The following DGKI variants were observed in gnomAD, a reference collection of about 807,000 sequenced individuals.
DGKI encodes diacylglycerol kinase iota, also known as DAG kinase iota.
In DGKI, 55 loss-of-function variants were observed where a neutral mutation model predicts 147.5. The ratio of observed to expected loss-of-function variants is 0.37; its 90% CI spans 0.30 to 0.47. DGKI has a LOEUF of 0.47. DGKI is among the 20% of genes least tolerant of loss of function. DGKI has a pLI of 1.00. For synonymous variants in DGKI, 469 were observed against 477.1 expected (o/e 0.98, Z 0.22); for missense variants, 1,007 against 1,323.8 (o/e 0.76, Z 3.71).
chr7:137,599,581 G>A (rs1156827595), intron 11 of DGKI, among the ~76,000 whole-genome samples: 3 of 152,226 alleles, frequency 2.0e-5, no homozygotes, highest in South Asian at 2.1e-4. Flanking sequence ...TTACACATAC[G>A]TAAGTAACAA....
chr7:137,728,708 T>TC (rs971364239), intron 1 of DGKI, among the ~76,000 whole-genome samples: 1 of 152,078 alleles, frequency 6.6e-6, no homozygotes, highest in African/African-American at 2.4e-5. Context: ...CACCAGCTTT[T>TC]CCCCCCATGG....
At chr7:137,487,385 G>A (rs1815602444) in intron 22 of DGKI, among the ~76,000 whole-genome samples, 1 of 152,110 alleles carries the variant, frequency 6.6e-6, no homozygotes, top group African/African-American at 2.4e-5. Flanking sequence ...GAACACACCA[G>A]GGCAACAGCA....
intron 19 of DGKI, among the ~76,000 whole-genome samples, chr7:137,559,981 G>C (rs1479882169): frequency 2.6e-5 from 4 of 152,166 alleles, no homozygotes; most frequent in African/African-American, 9.7e-5. Flanking sequence ...TGGTCCAGTA[G>C]AATTCGTCCC....
At chr7:137,554,359 T>C (rs1818149532) in intron 19 of DGKI, among the ~76,000 whole-genome samples, 1 of 152,198 alleles carries the variant, frequency 6.6e-6, no homozygotes, top group African/African-American at 2.4e-5. Flanking sequence ...CTTTCTAGAA[T>C]GAATCATTTA....
intron 31 of DGKI, 30 bp downstream of exon 31, chr7:137,397,347 C>A: frequency 6.2e-7 from 1 of 1,605,336 alleles, no homozygotes; most frequent in South Asian, 1.1e-5. Flanking sequence ...AGAAAATAAC[C>A]TAGACTATGT....
rs369930790 is a variant in DGKI, at chr7:137,687,286, C to T, written c.510+2608G>A. 6.6e-5 allele frequency among the ~76,000 whole-genome samples: 10 copies of T among 152,282 alleles called. No homozygotes were observed. In the Middle Eastern group the frequency reaches 0.01, roughly 155 times the overall value. On this transcript the variant is annotated intron_variant, in intron 2 of 32. Coordinates refer to ENST00000614521, the MANE Select transcript of DGKI (RefSeq NM_001321708.2). ...TTTTTTATAAGCTCCTGCCACCTTC[C>T]TTTTTATTTGAAAGAATCAAAGAGG...
At position 137,603,073 on chromosome 7, in the gene DGKI, C is replaced by CA. The variant is rs574841939; in HGVS notation, c.1168-3169dup. On this transcript the variant is annotated intron_variant, in intron 10 of 32. Coordinates refer to ENST00000614521, the MANE Select transcript of DGKI (RefSeq NM_001321708.2). ...AGTGCAACAGGAGAATACAAATTCC[C>CA]AAAAAGTGACTGGATTGAACAAGAT... is the stretch of plus-strand genomic sequence containing the variant. Among the ~76,000 whole-genome samples, 73 of 152,152 alleles carry CA rather than the reference C, an allele frequency of 4.8e-4. 1 individual carries two copies. Among genetic ancestry groups the CA allele is most frequent in the Admixed American group, 4.8e-3 (73 of 15,294 alleles).
chr7:137,432,066 C>A (rs958057032), intron 28 of DGKI, among the ~76,000 whole-genome samples: 10 of 152,288 alleles, frequency 6.6e-5, no homozygotes, highest in Admixed American at 6.5e-4. Flanking sequence ...GGCACCTCCC[C>A]CTTTGCTTTC....
chr7:137,485,919 C>T (rs1213442992), intron 22 of DGKI, among the ~76,000 whole-genome samples: 1 of 152,042 alleles, frequency 6.6e-6, no homozygotes. Context: ...GAGAAAATCA[C>T]CAACCACCTC....
chr7:137,837,997 C>CTTTTTTTTT (rs777963342), intron 1 of DGKI, among the ~76,000 whole-genome samples: 1 of 109,834 alleles, frequency 9.1e-6, no homozygotes, highest in Non-Finnish European at 1.8e-5. Context: ...AAGGGAGAAA[C>CTTTTTTTTT]TTTTTTTTTT....
At chr7:137,500,665 C>T (rs1207123633) in intron 21 of DGKI, among the ~76,000 whole-genome samples, 1 of 151,900 alleles carries the variant, frequency 6.6e-6, no homozygotes. Context: ...ACTGAATTGC[C>T]CAAAGCTTTA....
At chr7:137,595,866 G>A (rs1467515885) in intron 12 of DGKI, among the ~76,000 whole-genome samples, 4 of 151,670 alleles carry the variant, frequency 2.6e-5, no homozygotes, top group African/African-American at 7.3e-5. Flanking sequence ...GCCCGCTGTG[G>A]TGGCACGTGC....
intron 30 of DGKI, among the ~76,000 whole-genome samples, chr7:137,403,251 GT>G (rs1257046092): frequency 6.6e-6 from 1 of 152,128 alleles, no homozygotes; most frequent in Non-Finnish European, 1.5e-5. Context: ...CCAAATTCCA[GT>G]TTTTCATAAA....
chr7:137,429,791 A>G (rs1812986143), intron 28 of DGKI, among the ~76,000 whole-genome samples: 2 of 132,472 alleles, frequency 1.5e-5, no homozygotes, highest in South Asian at 5.8e-4. Context: ...CAGCCAAAAA[A>G]CACATGAAAA....
At chr7:137,836,466 T>C (rs931029905) in intron 1 of DGKI, among the ~76,000 whole-genome samples, 2 of 152,190 alleles carry the variant, frequency 1.3e-5, no homozygotes, top group Non-Finnish European at 2.9e-5. Flanking sequence ...AGAATATCTT[T>C]TGTAAAAATC....
intron 2 of DGKI, among the ~76,000 whole-genome samples, chr7:137,683,890 A>G (rs1401004760): frequency 6.6e-6 from 1 of 152,204 alleles, no homozygotes; most frequent in Admixed American, 6.5e-5. Flanking sequence ...AGATATAGGC[A>G]TGTTTTCTTG....
intron 1 of DGKI, among the ~76,000 whole-genome samples, chr7:137,817,466 T>C (rs78851852): frequency 0.012 from 1,903 of 152,346 alleles, 47 homozygotes; most frequent in African/African-American, 0.044. Context: ...CATTCAATAA[T>C]AACAAAGTGT....
At chr7:137,774,329 G>A (rs1388484851) in intron 1 of DGKI, among the ~76,000 whole-genome samples, 1 of 151,914 alleles carries the variant, frequency 6.6e-6, no homozygotes, top group Non-Finnish European at 1.5e-5. Context: ...CTTTGAAATA[G>A]GTCAAAGAGA....
intron 1 of DGKI, among the ~76,000 whole-genome samples, chr7:137,797,809 G>C (rs1797080129): frequency 6.6e-6 from 1 of 151,744 alleles, no homozygotes; most frequent in African/African-American, 2.4e-5. Flanking sequence ...TAAGAAACTA[G>C]AAGAAGAAAA....
Sources: gnomAD v4.1 joint callset for allele counts (sites outside exome capture counted in the v4.1 genomes callset) on GRCh38, gnomAD v4.1.1 for gene constraint, MANE v1.5 for transcripts, NCBI Gene and HGNC (gene_info 2026-07-23, HGNC 2026-07-21) for gene names.